Variants in SCEL observed in about 807,000 individuals in gnomAD.
The protein encoded by SCEL is sciellin.
In SCEL, 113 loss-of-function variants were observed where a neutral mutation model predicts 117.6. The observed-to-expected ratio is 0.96, with a 90% CI of 0.83 to 1.12. SCEL has a LOEUF of 1.12. Among genes scored for constraint, SCEL ranks in the 50% most tolerant of loss-of-function variants. The pLI is 0.00. For synonymous variants in SCEL, 270 were observed against 256.2 expected (o/e 1.05, Z -0.51); for missense variants, 785 against 810.8 (o/e 0.97, Z 0.39).
chr13:77,541,366 CAT>C (rs771019131), intron 1 of SCEL, among the ~76,000 whole-genome samples: 4 of 152,090 alleles, frequency 2.6e-5, no homozygotes, highest in Non-Finnish European at 4.4e-5. Flanking sequence ...AGTGAACACT[CAT>C]ATGTTGCTGG....
At chr13:77,559,072 T>C (rs1276721332) in intron 3 of SCEL, among the ~76,000 whole-genome samples, 6 of 152,278 alleles carry the variant, frequency 3.9e-5, no homozygotes, top group African/African-American at 1.4e-4. Flanking sequence ...ATTGTAGGGT[T>C]GACCAGTAGG....
At chr13:77,550,971 C>T (rs1349753802) in intron 1 of SCEL, among the ~76,000 whole-genome samples, 1 of 152,164 alleles carries the variant, frequency 6.6e-6, no homozygotes, top group Non-Finnish European at 1.5e-5. Context: ...CATGGGACTT[C>T]CAAGGAGTGA....
intron 19 of SCEL, among the ~76,000 whole-genome samples, chr13:77,606,963 C>T (rs2088250091): frequency 6.6e-6 from 1 of 152,182 alleles, no homozygotes; most frequent in Admixed American, 6.5e-5. Flanking sequence ...CAAAATTCCA[C>T]TAAGATCAGA....
chr13:77,624,714 G>C (rs12429892), intron 27 of SCEL, among the ~76,000 whole-genome samples: 76,617 of 152,010 alleles, frequency 0.5, 20,848 homozygotes, highest in Non-Finnish European at 0.61. Flanking sequence ...GATGGACAGA[G>C]ATGGAGGTGA....
intron 12 of SCEL, among the ~76,000 whole-genome samples, chr13:77,595,378 A>T (rs891700115): frequency 2.6e-5 from 4 of 152,254 alleles, no homozygotes; most frequent in South Asian, 2.1e-4. Flanking sequence ...GATTAAGAGC[A>T]TTTAATTTGT....
At chr13:77,573,028 C>G (rs1416836123) in intron 9 of SCEL, among the ~76,000 whole-genome samples, 1 of 152,126 alleles carries the variant, frequency 6.6e-6, no homozygotes, top group Non-Finnish European at 1.5e-5. Context: ...CGTTAAGCGA[C>G]AAATGAATAT....
intron 9 of SCEL, among the ~76,000 whole-genome samples, chr13:77,579,479 A>T (rs76092053): frequency 6.6e-6 from 1 of 151,878 alleles, no homozygotes; most frequent in East Asian, 1.9e-4. Flanking sequence ...GCTAAGTAAC[A>T]CCTCTCTCTC....
chr13:77,562,485 A>G (rs577377891), intron 4 of SCEL, among the ~76,000 whole-genome samples: 1 of 152,186 alleles, frequency 6.6e-6, no homozygotes, highest in African/African-American at 2.4e-5. Context: ...GTTCACATCT[A>G]TTTCCCCTCC....
At chr13:77,604,287 C>A in intron 18 of SCEL, 69 bp from the exon 19 acceptor site, 2 of 948,916 alleles carry the variant, frequency 2.1e-6, no homozygotes, top group Non-Finnish European at 1.6e-6. Context: ...TTAATTTTTC[C>A]AGCCATTATT....
rs752422136 is a variant in SCEL at position 77,589,233 on chromosome 13, T to C, written c.626+9T>C. The C allele has an allele frequency of 3.8e-6, 6 of 1,584,574 alleles. No individual in the cohort carries two copies. The highest frequency in any genetic ancestry group is 5.2e-6 in the Non-Finnish European group (6 of 1,154,788). The stretch of plus-strand genomic sequence containing the variant: ...CTGAGACAGGATAATAGGTAAGACC[T>C]AGTACTCCAGAATTTCTTGACAAAA... On this transcript the variant is annotated intron_variant, in intron 10 of 32. Coordinates refer to ENST00000349847, the MANE Select transcript of SCEL (RefSeq NM_144777.3).
intron 28 of SCEL, among the ~76,000 whole-genome samples, chr13:77,631,913 G>A (rs1310308939): frequency 2.0e-5 from 3 of 152,218 alleles, no homozygotes; most frequent in Admixed American, 2.0e-4. Context: ...AGGCTGGAAG[G>A]CCAAGAGCAA....
Position 77,627,931 on chromosome 13 carries a change from A to G in SCEL, c.1629-16A>G, listed in dbSNP as rs748178245. On this transcript the variant is annotated splice_polypyrimidine_tract_variant and intron_variant, in intron 27 of 32. Transcript: ENST00000349847. ...TTATGTTGTAATTATTCATATATAT[A>G]TATTTTTTTCCTTAGAGACCAGAAC... 11 of 1,137,034 alleles carry G rather than the reference A, an allele frequency of 9.7e-6. No homozygotes were observed. In the Middle Eastern group the frequency reaches 6.6e-4, roughly 68 times the overall value. 70.4% of individuals were successfully genotyped at this position (1,137,034 alleles called of 1,614,324 possible). A position where few individuals can be genotyped will look rare whatever the true frequency, so the allele number is the denominator to read the frequency against.
At chr13:77,557,867 C>T (rs969931330) in intron 3 of SCEL, among the ~76,000 whole-genome samples, 4 of 152,186 alleles carry the variant, frequency 2.6e-5, no homozygotes, top group African/African-American at 9.7e-5. Context: ...TCTAAACTAT[C>T]TACAAACTCT....
At chr13:77,594,163 G>T (rs2087085000) in intron 12 of SCEL, among the ~76,000 whole-genome samples, 1 of 152,112 alleles carries the variant, frequency 6.6e-6, no homozygotes, top group Admixed American at 6.5e-5. Flanking sequence ...ACACTCTTCA[G>T]GCTTTCCTTC....
At chr13:77,555,996 T>A in intron 2 of SCEL, 78 bp downstream of exon 2, 1 of 1,051,468 alleles carries the variant, frequency 9.5e-7, no homozygotes, top group Non-Finnish European at 1.5e-6. Flanking sequence ...AATTCTTTAA[T>A]ACAGATATTG....
At chr13:77,620,869 G>A (rs1026271642) in intron 27 of SCEL, among the ~76,000 whole-genome samples, 1 of 151,988 alleles carries the variant, frequency 6.6e-6, no homozygotes, top group Non-Finnish European at 1.5e-5. Context: ...TATTTGTTAA[G>A]ACATCCCCAA....
chr13:77,635,334 A>G (rs1197006522), intron 29 of SCEL, among the ~76,000 whole-genome samples: 2 of 152,250 alleles, frequency 1.3e-5, no homozygotes. Context: ...AAAACACTTC[A>G]GAGTAAATTT....
At chr13:77,577,789 T>C (rs2086034302) in intron 9 of SCEL, among the ~76,000 whole-genome samples, 1 of 152,156 alleles carries the variant, frequency 6.6e-6, no homozygotes, top group Admixed American at 6.5e-5. Context: ...AATGAAATAT[T>C]GGCCATCCCT....
rs2089186007 is a variant in SCEL at position 77,618,036 on chromosome 13, C to A, written c.1604C>A (p.Pro535His). Reference protein sequence around the residue: ...QDLDNLIKVKPSALRNTNRDQ... With the variant: ...QDLDNLIKVKHSALRNTNRDQ... Reference sequence around the variant, plus strand: ...TTGGACAATCTTATTAAAGTGAAACCTTCAGCTCTTAGAAACACTAATCGG... The same window carrying A: ...TTGGACAATCTTATTAAAGTGAAACATTCAGCTCTTAGAAACACTAATCGG... Residue 535 changes from proline to histidine, a missense_variant, in exon 27 of 33, where the codon CCT becomes CAT. Transcript: ENST00000349847. The A allele has an allele frequency of 6.2e-7, 1 of 1,612,988 alleles. No homozygotes were observed. Among genetic ancestry groups the A allele is most frequent in the Admixed American group, 1.7e-5 (1 of 59,972 alleles).
Sources: gnomAD v4.1 joint callset for allele counts (sites outside exome capture counted in the v4.1 genomes callset) on GRCh38, gnomAD v4.1.1 for gene constraint, MANE v1.5 for transcripts, NCBI Gene and HGNC (gene_info 2026-07-23, HGNC 2026-07-21) for gene names.